Variants in ABCA5 observed in about 807,000 individuals in gnomAD.
The protein encoded by ABCA5 is ATP binding cassette subfamily A member 5, also known as cholesterol transporter ABCA5.
Under a neutral mutation model 206.0 loss-of-function variants are expected in ABCA5, and 163 were observed. The observed-to-expected ratio is 0.79, with a 90% CI of 0.70 to 0.90. The LOEUF (loss-of-function observed/expected upper bound fraction) is 0.90. Ranked by LOEUF, ABCA5 falls within the 40% of genes least tolerant of loss-of-function variation. ABCA5 has a pLI of 0.00. For synonymous variants in ABCA5, 609 were observed against 613.8 expected (o/e 0.99, Z 0.11); for missense variants, 1,859 against 1,912.9 (o/e 0.97, Z 0.53).
chr17:69,318,053 A>T (rs555935866), intron 1 of ABCA5, among the ~76,000 whole-genome samples: 89 of 152,254 alleles, frequency 5.8e-4, no homozygotes, highest in African/African-American at 2.1e-3. Flanking sequence ...CTCTCCTCCA[A>T]AACAAGGACC....
intron 18 of ABCA5, among the ~76,000 whole-genome samples, chr17:69,280,006 T>A (rs899110861): frequency 6.6e-6 from 1 of 152,052 alleles, no homozygotes; most frequent in African/African-American, 2.4e-5. Flanking sequence ...CCAAAAGCAA[T>A]AGCAACAAAA....
chr17:69,261,774 A>T (rs200677692), intron 24 of ABCA5, 26 bp from the exon 25 acceptor site: 1 of 1,028,368 alleles, frequency 9.7e-7, no homozygotes, highest in African/African-American at 1.7e-5. Context: ...ATGTTTCTAT[A>T]AAAATATGAA....
chr17:69,275,439 C>T (rs1252169254), intron 19 of ABCA5, among the ~76,000 whole-genome samples: 2 of 151,878 alleles, frequency 1.3e-5, no homozygotes, highest in Non-Finnish European at 2.9e-5. Flanking sequence ...TCACATACCC[C>T]GTAATTTTTT....
intron 28 of ABCA5, among the ~76,000 whole-genome samples, chr17:69,256,587 C>A (rs2075084768): frequency 6.6e-6 from 1 of 151,568 alleles, no homozygotes; most frequent in Non-Finnish European, 1.5e-5. Context: ...TCCTGAGTAG[C>A]TGGGATTACA....
chr17:69,320,359 GGACA>G (rs1255896834), intron 1 of ABCA5, among the ~76,000 whole-genome samples: 1 of 151,950 alleles, frequency 6.6e-6, no homozygotes, highest in Admixed American at 6.6e-5. Context: ...AATTGCAAAA[GGACA>G]GAGAGAAAAA....
chr17:69,280,382 C>A (rs1393531276), intron 18 of ABCA5, among the ~76,000 whole-genome samples: 1 of 151,554 alleles, frequency 6.6e-6, no homozygotes, highest in Admixed American at 6.6e-5. Flanking sequence ...AGTCAGGAAA[C>A]AACAGGTGCT....
chr17:69,318,714 A>G (rs924117264), intron 1 of ABCA5: 9 of 560,908 alleles, frequency 1.6e-5, no homozygotes, highest in Non-Finnish European at 2.6e-5. Flanking sequence ...GGCATCTGTG[A>G]ACCTGTGGAG....
chr17:69,286,980 T>G (rs1054954717), intron 15 of ABCA5, among the ~76,000 whole-genome samples: 3 of 152,346 alleles, frequency 2.0e-5, no homozygotes, highest in African/African-American at 7.2e-5. Context: ...GGCCCTTGGC[T>G]GTTAGTTGAG....
In ABCA5 at chr17:69,301,306, A is replaced by C. The variant is rs200592737; in HGVS notation, c.1120-20T>G. The C allele has an allele frequency of 1.3e-6, 2 of 1,574,884 alleles. No individual in the cohort carries two copies. ...CATGACCTGAAAAATACAAACACTA[A>C]CTTTATTACATAAAAATGACAAAAA... is the stretch of plus-strand genomic sequence containing the variant. On this transcript the variant is annotated intron_variant, in intron 8 of 38. Transcript: ENST00000392676.
chr17:69,280,867 C>A (rs2075384674), intron 18 of ABCA5, among the ~76,000 whole-genome samples: 1 of 152,060 alleles, frequency 6.6e-6, no homozygotes, highest in South Asian at 2.1e-4. Flanking sequence ...GGGAACATCA[C>A]ACTGGGCACT....
rs972612539 is a variant in ABCA5 at position 69,319,036 on chromosome 17, A to C, written c.-15-4606T>G. The stretch of plus-strand genomic sequence containing the variant: ...CCTGTTTTACTATGATGTAAAAATT[A>C]AGTCATGTATATTTTCATATTAGAC... On this transcript the variant is annotated intron_variant, in intron 1 of 38. Coordinates refer to ENST00000392676, the MANE Select transcript of ABCA5 (RefSeq NM_172232.4). The C allele has an allele frequency of 2.2e-5, 9 of 411,106 alleles. No homozygotes were observed. In the Admixed American group the frequency reaches 3.2e-4, roughly 15 times the overall value. The allele number at this position is 411,106 out of a possible 1,614,324, so 25.5% of individuals were successfully genotyped here.
Position 69,244,977 on chromosome 17 carries a change from C to T in ABCA5, c.*2560G>A, listed in dbSNP as rs774823058. On this transcript the variant is annotated 3_prime_UTR_variant, in exon 39 of 39. Coordinates refer to ENST00000392676, the MANE Select transcript of ABCA5 (RefSeq NM_172232.4). The stretch of plus-strand genomic sequence containing the variant: ...TATCTTACAGATCTCCACGATCTTA[C>T]AGGGCCAAAACTGATAGTCATCCGA... 2 of 150,656 alleles carry T rather than the reference C, an allele frequency of 1.3e-5. No individual in the cohort carries two copies. Among genetic ancestry groups the T allele is most frequent in the Non-Finnish European group, 3.0e-5 (2 of 67,548 alleles). The allele number at this position is 150,656 out of a possible 1,614,324, so 9.3% of individuals were successfully genotyped here.
intron 20 of ABCA5, 148 bp downstream of exon 20, chr17:69,273,811 A>G (rs1434867509): frequency 2.7e-6 from 2 of 729,100 alleles, no homozygotes; most frequent in Non-Finnish European, 4.0e-6. Context: ...TTCAGCATCA[A>G]TAAGATACGT....
At chr17:69,275,061 C>G (rs1258118344) in intron 19 of ABCA5, among the ~76,000 whole-genome samples, 1 of 152,000 alleles carries the variant, frequency 6.6e-6, no homozygotes, top group Non-Finnish European at 1.5e-5. Context: ...CCAGACTGGT[C>G]TCAAACTCCT....
intron 17 of ABCA5, chr17:69,285,371 C>G (rs550583890): frequency 1.3e-5 from 2 of 152,096 alleles, no homozygotes; most frequent in African/African-American, 2.4e-5. Context: ...TATGAAAATT[C>G]TGCACAATGT....
intron 37 of ABCA5, chr17:69,249,656 CTA>C (rs1303207055): frequency 1.4e-5 from 6 of 435,524 alleles, no homozygotes; most frequent in Non-Finnish European, 2.5e-5. Flanking sequence ...TACAAAATCC[CTA>C]TGACATTAGT....
intron 20 of ABCA5, among the ~76,000 whole-genome samples, chr17:69,271,980 C>T (rs556312077): frequency 6.7e-4 from 102 of 152,120 alleles, no homozygotes; most frequent in African/African-American, 2.3e-3. Context: ...ACATGTCTGC[C>T]GAATAGATGC....
intron 1 of ABCA5, chr17:69,317,623 G>A (rs902477453): frequency 6.6e-6 from 1 of 152,050 alleles, no homozygotes; most frequent in Non-Finnish European, 1.5e-5. Context: ...TGCTTACAAG[G>A]TAAGGAGTTT....
Position 69,257,584 on chromosome 17 carries a change from A to C in ABCA5, c.3732-1301T>G, listed in dbSNP as rs561225659. Among the ~76,000 whole-genome samples, 3 of 152,080 alleles carry C rather than the reference A, an allele frequency of 2.0e-5. No individual in the cohort carries two copies. In the East Asian group the frequency reaches 5.8e-4, roughly 29 times the overall value. On this transcript the variant is annotated intron_variant, in intron 28 of 38. Coordinates refer to ENST00000392676, the MANE Select transcript of ABCA5 (RefSeq NM_172232.4). ...ATAGAAGAATTTTGGCTATGAAAGG[A>C]AAGAGAGATATAGAATAGGAATTAG...
Sources: allele counts gnomAD v4.1 joint callset (sites outside exome capture counted in the v4.1 genomes callset), GRCh38; gene constraint gnomAD v4.1.1; transcripts MANE v1.5; gene names NCBI Gene and HGNC (gene_info 2026-07-23, HGNC 2026-07-21).